The following RIMS2 variants were observed in gnomAD, a reference collection of about 807,000 sequenced individuals.
RIMS2 encodes the protein regulating synaptic membrane exocytosis 2, also known as regulating synaptic membrane exocytosis protein 2.
In RIMS2, 59 loss-of-function variants were observed where a neutral mutation model predicts 174.4. The ratio of observed to expected loss-of-function variants is 0.34; its 90% CI spans 0.27 to 0.42. The LOEUF (loss-of-function observed/expected upper bound fraction) is 0.42, where lower values mean the gene tolerates loss of function less well. Ranked by LOEUF, RIMS2 falls within the 10% of genes least tolerant of loss-of-function variation. RIMS2 has a pLI of 1.00. For synonymous variants in RIMS2, 606 were observed against 572.5 expected (o/e 1.06, Z -0.84); for missense variants, 1,620 against 1,666.3 (o/e 0.97, Z 0.48).
intron 19 of RIMS2, among the ~76,000 whole-genome samples, chr8:104,079,215 A>G (rs938101089): frequency 6.6e-6 from 1 of 152,078 alleles, no homozygotes; most frequent in African/African-American, 2.4e-5. Flanking sequence ...AAACTGACAA[A>G]GAGAGAATTG....
intron 19 of RIMS2, among the ~76,000 whole-genome samples, chr8:104,095,282 G>A (rs1173365770): frequency 6.6e-6 from 1 of 152,100 alleles, no homozygotes; most frequent in Non-Finnish European, 1.5e-5. Context: ...TTAGTTTTCT[G>A]GTAGGTTCTA....
intron 19 of RIMS2, among the ~76,000 whole-genome samples, chr8:104,050,535 G>T (rs1393479357): frequency 6.6e-6 from 1 of 151,978 alleles, no homozygotes; most frequent in East Asian, 1.9e-4. Context: ...AAAGTAGCCA[G>T]GAAATACATC....
chr8:103,961,010 A>G lies in RIMS2; in HGVS notation c.2702-55A>G, dbSNP rs1367588555. On this transcript the variant is annotated intron_variant, in intron 14 of 23. Coordinates refer to ENST00000504942, the Ensembl canonical transcript of RIMS2. Reference sequence around the variant, plus strand: ...CGTTTGTTTTTCAGGTGTTTGAGGAATTTTCTTCCTTAGAGAATCAGAATT... The same window carrying G: ...CGTTTGTTTTTCAGGTGTTTGAGGAGTTTTCTTCCTTAGAGAATCAGAATT... 4 of 922,804 alleles carry G rather than the reference A, an allele frequency of 4.3e-6. No individual in the cohort carries two copies. In the African/African-American group the frequency reaches 4.9e-5, roughly 11 times the overall value. The allele number at this position is 922,804 out of a possible 1,614,324, so 57.2% of individuals were successfully genotyped here.
intron 4 of RIMS2, among the ~76,000 whole-genome samples, chr8:103,889,262 T>C (rs961704998): frequency 1.3e-5 from 2 of 151,526 alleles, no homozygotes; most frequent in South Asian, 2.1e-4. Context: ...TATTTTTATA[T>C]GGAGTGACAT....
intron 2 of RIMS2, among the ~76,000 whole-genome samples, chr8:103,763,502 C>T (rs150575568): frequency 1.4e-5 from 2 of 148,120 alleles, no homozygotes; most frequent in Admixed American, 1.3e-4. Flanking sequence ...AGGGAGAAAG[C>T]GAGGAATATA....
intron 19 of RIMS2, among the ~76,000 whole-genome samples, chr8:104,111,875 C>G (rs2098190680): frequency 6.6e-6 from 1 of 152,152 alleles, no homozygotes; most frequent in African/African-American, 2.4e-5. Context: ...ATACCATGCT[C>G]TAATCTAGCG....
intron 3 of RIMS2, among the ~76,000 whole-genome samples, chr8:103,868,130 C>T (rs1207881341): frequency 2.0e-5 from 3 of 151,970 alleles, no homozygotes; most frequent in Admixed American, 6.6e-5. Context: ...GAGATTGTAA[C>T]AGCTAAGTAA....
chr8:103,886,866 C>G (rs1594577056), intron 4 of RIMS2, among the ~76,000 whole-genome samples: 1 of 151,604 alleles, frequency 6.6e-6, no homozygotes, highest in Non-Finnish European at 1.5e-5. Flanking sequence ...TATACCACAA[C>G]TAAATATTTC....
At chr8:103,739,688 A>G (rs938472736) in intron 2 of RIMS2, among the ~76,000 whole-genome samples, 4 of 152,204 alleles carry the variant, frequency 2.6e-5, no homozygotes, top group Admixed American at 2.6e-4. Flanking sequence ...ATTTGAAATT[A>G]AGAGAACATA....
intron 20 of RIMS2, among the ~76,000 whole-genome samples, chr8:104,247,983 A>G (rs377588649): frequency 3.0e-4 from 45 of 152,362 alleles, no homozygotes; most frequent in African/African-American, 1.0e-3. Flanking sequence ...GAGGAGGTTA[A>G]GGCTGAGTGG....
intron 1 of RIMS2, among the ~76,000 whole-genome samples, chr8:103,626,260 C>G (rs146987241): frequency 2.6e-5 from 4 of 152,152 alleles, no homozygotes; most frequent in African/African-American, 9.6e-5. Context: ...ATATTCAATT[C>G]TTAATAAAGC....
At chr8:103,618,373 A>T (rs2095554940) in intron 1 of RIMS2, among the ~76,000 whole-genome samples, 1 of 152,028 alleles carries the variant, frequency 6.6e-6, no homozygotes, top group South Asian at 2.1e-4. Context: ...TATTACAGAA[A>T]CCCTCAGGAA....
chr8:103,737,434 G>T (rs34738173), intron 2 of RIMS2, among the ~76,000 whole-genome samples: 22,770 of 151,620 alleles, frequency 0.15, 1,787 homozygotes, highest in Middle Eastern at 0.24. Flanking sequence ...TGGTCCTCCC[G>T]CCTCAGCCTC....
At chr8:104,204,908 G>A (rs1268929066) in intron 19 of RIMS2, among the ~76,000 whole-genome samples, 1 of 152,150 alleles carries the variant, frequency 6.6e-6, no homozygotes, top group Non-Finnish European at 1.5e-5. Context: ...TCTGAAAGAT[G>A]AATAGACTCC....
intron 19 of RIMS2, among the ~76,000 whole-genome samples, chr8:104,239,560 T>A (rs2099275979): frequency 1.3e-5 from 2 of 152,136 alleles, no homozygotes; most frequent in South Asian, 4.1e-4. Context: ...TGCATGTGTA[T>A]GTTTATATGT....
intron 19 of RIMS2, among the ~76,000 whole-genome samples, chr8:104,057,250 TGAGAA>T (rs2096886120): frequency 6.6e-6 from 1 of 151,884 alleles, no homozygotes; most frequent in African/African-American, 2.4e-5. Context: ...TATTTTTTGT[TGAGAA>T]GAGGTTCTCA....
intron 1 of RIMS2, among the ~76,000 whole-genome samples, chr8:103,607,371 G>A (rs1284839936): frequency 2.4e-4 from 36 of 151,980 alleles, no homozygotes; most frequent in African/African-American, 7.0e-4. Context: ...TGAGAGATCC[G>A]CTGTTAGTCT....
chr8:104,227,855 T>G (rs1269628477), intron 19 of RIMS2, among the ~76,000 whole-genome samples: 1 of 152,100 alleles, frequency 6.6e-6, no homozygotes, highest in Non-Finnish European at 1.5e-5. Flanking sequence ...AAAAATAAAT[T>G]ATAGGAAAAC....
intron 12 of RIMS2, among the ~76,000 whole-genome samples, chr8:103,932,578 G>A (rs748715997): frequency 1.2e-4 from 19 of 152,138 alleles, no homozygotes; most frequent in Non-Finnish European, 2.5e-4. Context: ...AAGGGAAGAG[G>A]TCATCCATAA....
Sources: gnomAD v4.1 joint callset for allele counts (sites outside exome capture counted in the v4.1 genomes callset) on GRCh38, gnomAD v4.1.1 for gene constraint, MANE v1.5 for transcripts, NCBI Gene and HGNC (gene_info 2026-07-23, HGNC 2026-07-21) for gene names.